The following NRG3 variants were observed in gnomAD, a reference collection of about 807,000 sequenced individuals.
NRG3 encodes the protein neuregulin 3, also known as pro-neuregulin-3, membrane-bound isoform.
Under a neutral mutation model 66.9 loss-of-function variants are expected in NRG3, and 31 were observed. The ratio of observed to expected loss-of-function variants is 0.46; its 90% CI spans 0.35 to 0.63. The LOEUF is 0.63. NRG3 is among the 20% of genes least tolerant of loss of function. The pLI, the probability that NRG3 is intolerant of heterozygous loss-of-function variation, is 0.00. For synonymous variants in NRG3, 393 were observed against 359.4 expected, an observed-to-expected ratio of 1.09 and a Z score of -1.06; for missense variants, 910 against 878.9, an observed-to-expected ratio of 1.04 and a Z score of -0.45.
intron 2 of NRG3, among the ~76,000 whole-genome samples, chr10:82,523,621 A>G (rs908637602): frequency 6.6e-6 from 1 of 152,032 alleles, no homozygotes; most frequent in African/African-American, 2.4e-5. Context: ...TATACTATGT[A>G]CAAGTTACCT....
chr10:82,520,635 C>A (rs912968703), intron 2 of NRG3, among the ~76,000 whole-genome samples: 4 of 152,064 alleles, frequency 2.6e-5, no homozygotes, highest in Non-Finnish European at 5.9e-5. Flanking sequence ...AGCACATTGT[C>A]CCATAGTTTT....
At chr10:82,844,670 T>C (rs1233283960) in intron 3 of NRG3, among the ~76,000 whole-genome samples, 1 of 139,712 alleles carries the variant, frequency 7.2e-6, no homozygotes, top group Non-Finnish European at 1.5e-5. Flanking sequence ...GCCTCTACAA[T>C]CTTTTTTTTT....
At chr10:82,289,579 T>G (rs572246473) in intron 1 of NRG3, among the ~76,000 whole-genome samples, 1 of 152,226 alleles carries the variant, frequency 6.6e-6, no homozygotes, top group African/African-American at 2.4e-5. Context: ...AGATAAAAGA[T>G]TTAATTTACT....
At chr10:82,245,624 T>C (rs969787331) in intron 1 of NRG3, among the ~76,000 whole-genome samples, 19 of 152,194 alleles carry the variant, frequency 1.2e-4, no homozygotes, top group African/African-American at 4.6e-4. Context: ...AAGAGAAACA[T>C]GGCACTTAGT....
intron 1 of NRG3, among the ~76,000 whole-genome samples, chr10:82,262,988 C>T (rs1564725497): frequency 1.3e-5 from 2 of 152,124 alleles, no homozygotes; most frequent in Non-Finnish European, 2.9e-5. Flanking sequence ...AGATTGGAGT[C>T]TTATCCCAGA....
intron 1 of NRG3, among the ~76,000 whole-genome samples, chr10:82,349,673 G>A (rs1482948903): frequency 1.3e-5 from 2 of 151,888 alleles, no homozygotes; most frequent in Non-Finnish European, 2.9e-5. Context: ...CCTCGCTGCC[G>A]CCTTGCAGTT....
intron 2 of NRG3, among the ~76,000 whole-genome samples, chr10:82,732,477 AG>A (rs1160748971): frequency 1.3e-5 from 2 of 152,190 alleles, no homozygotes; most frequent in Non-Finnish European, 2.9e-5. Flanking sequence ...CCACAGATAA[AG>A]CAAGAGCTTT....
intron 2 of NRG3, among the ~76,000 whole-genome samples, chr10:82,647,852 T>G (rs539619716): frequency 0.023 from 3,512 of 149,930 alleles, 127 homozygotes; most frequent in African/African-American, 0.082. Flanking sequence ...GATGGGGTTG[T>G]TTGTTTTTTT....
intron 1 of NRG3, among the ~76,000 whole-genome samples, chr10:82,064,684 G>C (rs1190683523): frequency 1.3e-5 from 2 of 152,264 alleles, no homozygotes; most frequent in Non-Finnish European, 2.9e-5. Context: ...TCTGAGCCAA[G>C]AGAATGCCCC....
intron 1 of NRG3, among the ~76,000 whole-genome samples, chr10:82,287,757 T>C (rs2134539136): frequency 6.6e-6 from 1 of 152,254 alleles, no homozygotes; most frequent in East Asian, 1.9e-4. Context: ...TGGCCACAGC[T>C]GGAGGGACCA....
intron 1 of NRG3, among the ~76,000 whole-genome samples, chr10:82,261,953 C>G (rs777773944): frequency 6.6e-6 from 1 of 152,120 alleles, no homozygotes; most frequent in African/African-American, 2.4e-5. Context: ...GTGCCTGACA[C>G]TAAACAGAGA....
intron 1 of NRG3, among the ~76,000 whole-genome samples, chr10:81,891,352 T>C (rs1189482773): frequency 6.6e-6 from 1 of 152,228 alleles, no homozygotes; most frequent in Non-Finnish European, 1.5e-5. Flanking sequence ...AGGTTTGGCA[T>C]GGACAGCAAT....
chr10:82,933,509 A>G (rs1240856105), intron 4 of NRG3, among the ~76,000 whole-genome samples: 1 of 152,148 alleles, frequency 6.6e-6, no homozygotes, highest in Non-Finnish European at 1.5e-5. Flanking sequence ...AACACCTACC[A>G]CACTATTTCC....
intron 1 of NRG3, among the ~76,000 whole-genome samples, chr10:82,004,022 CACACACACACACAG>C (rs1454999985): frequency 6.7e-6 from 1 of 149,956 alleles, no homozygotes; most frequent in Non-Finnish European, 1.5e-5. Context: ...CACACACACA[CACACACACACACAG>C]ATACCTTAGA....
chr10:82,329,650 A>G (rs2082047118), intron 1 of NRG3, among the ~76,000 whole-genome samples: 1 of 152,150 alleles, frequency 6.6e-6, no homozygotes, highest in South Asian at 2.1e-4. Flanking sequence ...TTTATTGGCC[A>G]CATAGGATAA....
At chr10:82,612,381 G>T (rs865928152) in intron 2 of NRG3, among the ~76,000 whole-genome samples, 3 of 151,290 alleles carry the variant, frequency 2.0e-5, no homozygotes, top group African/African-American at 7.3e-5. Flanking sequence ...TAGTACTATG[G>T]TTACAAAGTA....
In NRG3 at chr10:81,989,789, A is replaced by T. The variant is rs116713465; in HGVS notation, c.823+113626A>T. Among the ~76,000 whole-genome samples the T allele has an allele frequency of 5.7e-3, 874 of 152,208 alleles. 7 individuals are homozygous for T. The highest frequency in any genetic ancestry group is 0.019 in the African/African-American group (806 of 41,524). Reference sequence around the variant, plus strand: ...TGAGAACTTTTTCTTTTGGTGACCAACAAGTTATTGATGGCCTTGAGAAAA... The same window carrying T: ...TGAGAACTTTTTCTTTTGGTGACCATCAAGTTATTGATGGCCTTGAGAAAA... On this transcript the variant is annotated intron_variant, in intron 1 of 8. Coordinates refer to ENST00000372141, the MANE Select transcript of NRG3 (RefSeq NM_001010848.4).
At chr10:82,939,307 A>G (rs1173011491) in intron 4 of NRG3, among the ~76,000 whole-genome samples, 1 of 152,146 alleles carries the variant, frequency 6.6e-6, no homozygotes, top group East Asian at 1.9e-4. Context: ...ATGAATTTAA[A>G]CTGTTATTTA....
At chr10:82,640,301 A>G (rs2050482491) in intron 2 of NRG3, among the ~76,000 whole-genome samples, 1 of 152,248 alleles carries the variant, frequency 6.6e-6, no homozygotes, top group South Asian at 2.1e-4. Context: ...AAAATGTGGT[A>G]CATATACACC....
Sources: allele counts gnomAD v4.1 joint callset (sites outside exome capture counted in the v4.1 genomes callset), GRCh38; gene constraint gnomAD v4.1.1; transcripts MANE v1.5; gene names NCBI Gene and HGNC (gene_info 2026-07-23, HGNC 2026-07-21).